MYL10: variants seen among roughly 807,000 people sequenced by gnomAD.
The protein encoded by MYL10 is myosin regulatory light chain 10.
Under a neutral mutation model 21.9 loss-of-function variants are expected in MYL10, and 18 were observed. The observed-to-expected ratio is 0.82, with a 90% CI of 0.57 to 1.22. MYL10 has a LOEUF of 1.22. MYL10 is among the 50% of genes most tolerant of loss of function. The pLI is 0.00. For synonymous variants in MYL10, 88 were observed against 82.8 expected, an observed-to-expected ratio of 1.06 and a Z score of -0.34; for missense variants, 225 against 230.4, an observed-to-expected ratio of 0.98 and a Z score of 0.15.
chr7:101,622,097 C>G lies in MYL10; in HGVS notation c.453G>C (p.Lys151Asn), dbSNP rs138676106. 583 of 1,613,278 alleles carry G rather than the reference C, an allele frequency of 3.6e-4. No homozygotes were observed. Among genetic ancestry groups the G allele is most frequent in the Non-Finnish European group, 4.6e-4 (548 of 1,179,344 alleles). Residue 151 changes from lysine to asparagine, a missense_variant and splice_region_variant, in exon 5 of 8, where the codon AAG becomes AAC. By Grantham distance (94) the Lys-to-Asn change is moderately conservative (BLOSUM62 0). Coordinates refer to ENST00000223167, the MANE Select transcript of MYL10 (RefSeq NM_138403.5). ...CAGGACTCCAGGAGCCTGGCTCACC[C>G]TTCAGCTTCTCCCCAAACATGGTCA... ...VFLTMFGEKLKGTDPEETILH... is the reference protein window; with the variant it reads ...VFLTMFGEKLNGTDPEETILH...
chr7:101,623,568 G>A (rs376690218), intron 3 of MYL10, among the ~76,000 whole-genome samples: 6 of 152,078 alleles, frequency 3.9e-5, no homozygotes. Context: ...GGTGATGAAT[G>A]CCTGTAGTTT....
intron 5 of MYL10, among the ~76,000 whole-genome samples, chr7:101,619,617 C>T (rs977043357): frequency 6.6e-6 from 1 of 152,070 alleles, no homozygotes; most frequent in African/African-American, 2.4e-5. Flanking sequence ...AGGCCGGGCA[C>T]GGTGGCTTAC....
At chr7:101,615,359 G>T (rs370833682) in intron 6 of MYL10, among the ~76,000 whole-genome samples, 2 of 151,800 alleles carry the variant, frequency 1.3e-5, no homozygotes, top group East Asian at 3.9e-4. Flanking sequence ...CTCCAGGCTG[G>T]CCTCCATGGT....
At chr7:101,627,893 T>C (rs1796765815) in intron 1 of MYL10, among the ~76,000 whole-genome samples, 1 of 152,162 alleles carries the variant, frequency 6.6e-6, no homozygotes, top group East Asian at 1.9e-4. Context: ...TGGGACCCAC[T>C]CAGACTGCAG....
intron 1 of MYL10, 38 bp from the exon 2 acceptor site, chr7:101,624,302 C>A (rs1395898888): frequency 6.5e-7 from 1 of 1,528,088 alleles, no homozygotes; most frequent in Non-Finnish European, 9.0e-7. Context: ...GCGGCCCCTG[C>A]CTCGAGGGTC....
At chr7:101,616,405 C>T (rs1386875490) in intron 5 of MYL10, 107 bp from the exon 6 acceptor site, 2 of 793,542 alleles carry the variant, frequency 2.5e-6, no homozygotes, top group East Asian at 2.5e-5. Context: ...TCCCACGGCC[C>T]CTGCACAGAG....
At chr7:101,625,819 A>AT (rs570469625) in intron 1 of MYL10, among the ~76,000 whole-genome samples, 228 of 152,280 alleles carry the variant, frequency 1.5e-3, no homozygotes, top group African/African-American at 5.1e-3. Flanking sequence ...CCTCCGATTA[A>AT]TAAAAAATGA....
In MYL10 at chr7:101,620,952, C is replaced by T. The variant is rs924714209; in HGVS notation, c.454+1144G>A. ...TACGGGCACCCACCACCATGCCCAG[C>T]TAATTTTTGTATTTTTAATAGAGAC... On this transcript the variant is annotated intron_variant, in intron 5 of 7. Coordinates refer to ENST00000223167, the MANE Select transcript of MYL10 (RefSeq NM_138403.5). Among the ~76,000 whole-genome samples, 9 of 151,932 alleles carry T rather than the reference C, an allele frequency of 5.9e-5. No individual in the cohort carries two copies. The East Asian group carries it at 1.7e-3, about 29-fold the overall frequency.
rs1796571383 is a variant in MYL10, at chr7:101,613,398, C to T, written c.*77G>A. 7 of 1,258,864 alleles carry T rather than the reference C, an allele frequency of 5.6e-6. No individual in the cohort carries two copies. Among genetic ancestry groups the T allele is most frequent in the Admixed American group, 3.5e-5 (2 of 56,554 alleles). The allele number at this position is 1,258,864 out of a possible 1,614,324, so 78.0% of individuals were successfully genotyped here. On this transcript the variant is annotated 3_prime_UTR_variant, in exon 8 of 8. Transcript: ENST00000223167. ...ACAAGGGAAGCCTTTTTCCTGCAGC[C>T]TCTGGCTGCAAGAGCTCCCTGTCAC...
intron 5 of MYL10, among the ~76,000 whole-genome samples, chr7:101,620,972 A>G (rs1363795962): frequency 6.6e-6 from 1 of 151,900 alleles, no homozygotes; most frequent in Non-Finnish European, 1.5e-5. Flanking sequence ...TATTTTTAAT[A>G]GAGACAGTGT....
intron 4 of MYL10, 79 bp from the exon 5 acceptor site, chr7:101,622,279 C>T: frequency 9.0e-7 from 1 of 1,105,878 alleles, no homozygotes; most frequent in South Asian, 1.5e-5. Flanking sequence ...CAAAGCCTCC[C>T]CACTCAGCTG....
At chr7:101,626,955 G>T (rs899750704) in intron 1 of MYL10, among the ~76,000 whole-genome samples, 2 of 152,108 alleles carry the variant, frequency 1.3e-5, no homozygotes, top group African/African-American at 4.8e-5. Context: ...GGAGGTGAAG[G>T]TCAGAATCAC....
intron 1 of MYL10, among the ~76,000 whole-genome samples, chr7:101,626,349 G>T (rs776528792): frequency 6.6e-6 from 1 of 152,192 alleles, no homozygotes; most frequent in Non-Finnish European, 1.5e-5. Flanking sequence ...TCACAGTCCC[G>T]CTGGTGACAG....
At chr7:101,622,703 C>T (rs1395587011) in intron 4 of MYL10, among the ~76,000 whole-genome samples, 1 of 152,178 alleles carries the variant, frequency 6.6e-6, no homozygotes, top group African/African-American at 2.4e-5. Flanking sequence ...CAGCTTCTCC[C>T]CTGCTTTCCT....
chr7:101,621,091 G>T (rs1353160520), intron 5 of MYL10, among the ~76,000 whole-genome samples: 8 of 151,878 alleles, frequency 5.3e-5, no homozygotes, highest in Non-Finnish European at 7.4e-5. Context: ...GCCCGGCCTT[G>T]GCCCTTCCTT....
intron 6 of MYL10, among the ~76,000 whole-genome samples, chr7:101,615,210 C>T (rs539108664): frequency 7.4e-4 from 113 of 152,310 alleles, no homozygotes; most frequent in African/African-American, 2.6e-3. Context: ...CGAGGCGGTG[C>T]TGGCTACGAT....
intron 5 of MYL10, among the ~76,000 whole-genome samples, chr7:101,616,996 G>T (rs1039487177): frequency 6.6e-6 from 1 of 152,244 alleles, no homozygotes; most frequent in East Asian, 1.9e-4. Context: ...GGGATTGAAT[G>T]TGCAGCCCCC....
At chr7:101,614,965 C>T (rs1054098445) in intron 6 of MYL10, among the ~76,000 whole-genome samples, 1 of 152,154 alleles carries the variant, frequency 6.6e-6, no homozygotes, top group Admixed American at 6.5e-5. Context: ...GAAGGGACTG[C>T]GTCGGCACAG....
chr7:101,622,981 C>A lies in MYL10; in HGVS notation c.349+16G>T, dbSNP rs1209979015. On this transcript the variant is annotated intron_variant, in intron 4 of 7. Transcript: ENST00000223167. ...CTGGCCTGGCCCTAATCTCCCCCGG[C>A]TGCTGGCTCACCCACCCAGCGCGGC... 3.1e-6 allele frequency: 5 copies of A among 1,612,614 alleles called. No homozygotes were observed. Among genetic ancestry groups the A allele is most frequent in the Non-Finnish European group, 2.5e-6 (3 of 1,179,258 alleles).
Sources: allele counts gnomAD v4.1 joint callset (sites outside exome capture counted in the v4.1 genomes callset), GRCh38; gene constraint gnomAD v4.1.1; transcripts MANE v1.5; gene names NCBI Gene and HGNC (gene_info 2026-07-23, HGNC 2026-07-21).